LGI4: variants seen among roughly 807,000 people sequenced by gnomAD.
LGI4 encodes leucine rich repeat LGI family member 4.
A neutral mutation model predicts 48.3 loss-of-function variants in LGI4; 36 were observed. The ratio of observed to expected loss-of-function variants is 0.75; its 90% CI spans 0.57 to 0.98. The LOEUF is 0.98. Among genes scored for constraint, LGI4 ranks in the 50% least tolerant of loss-of-function variants. The pLI is 0.00. For synonymous variants in LGI4, 355 were observed against 331.6 expected, an observed-to-expected ratio of 1.07 and a Z score of -0.77; for missense variants, 701 against 732.1, an observed-to-expected ratio of 0.96 and a Z score of 0.49.
Position 35,127,120 on chromosome 19 carries a change from C to T in LGI4, c.629-103G>A, listed in dbSNP as rs564770552. On this transcript the variant is annotated intron_variant, in intron 6 of 8. Coordinates refer to ENST00000310123, the MANE Select transcript of LGI4 (RefSeq NM_139284.3). ...TCTGAAATGGAGGCCATTCATGGTA[C>T]CCCCCTCATAGGGACATATAACTGG... is the stretch of plus-strand genomic sequence containing the variant. The T allele has an allele frequency of 4.4e-5, 52 of 1,192,866 alleles. No individual in the cohort carries two copies. The African/African-American group carries it at 7.5e-4, about 17-fold the overall frequency. The allele number at this position is 1,192,866 out of a possible 1,614,324, so 73.9% of individuals were successfully genotyped here.
chr19:35,131,310 G>T (rs1448258532), intron 6 of LGI4, 76 bp downstream of exon 6: 1 of 1,518,596 alleles, frequency 6.6e-7, no homozygotes, highest in African/African-American at 1.4e-5. Flanking sequence ...AGGGCAGGGA[G>T]TGAGACGAGC....
chr19:35,126,331 C>T lies in LGI4; in HGVS notation c.1238G>A (p.Arg413His), dbSNP rs1322541279. ...IPEAEDVYAT[R>H]HFQAGGDVFL... ...CACGTCCCCACCAGCCTGGAAGTGG[C>T]GTGTGGCATAGACATCCTCGGCCTC... is the stretch of plus-strand genomic sequence containing the variant. Residue 413 changes from arginine (R) to histidine (H), a missense_variant, in exon 8 of 9, where the codon CGC becomes CAC. Physicochemically the swap from Arg to His is conservative, Grantham distance 29. Around this residue, in one of 3 missense-constraint regions of LGI4, gnomAD observed 223 missense variants for 263.3 expected, o/e 0.85. Coordinates refer to ENST00000310123, the MANE Select transcript of LGI4 (RefSeq NM_139284.3). The T allele has an allele frequency of 2.5e-6, 4 of 1,611,622 alleles. No homozygotes were observed. Among genetic ancestry groups the T allele is most frequent in the Admixed American group, 3.3e-5 (2 of 59,814 alleles).
At chr19:35,125,916 C>A in intron 8 of LGI4, 2 of 521,980 alleles carry the variant, frequency 3.8e-6, no homozygotes, top group East Asian at 3.9e-5. Context: ...AGAACCCTCC[C>A]CTGCCTGCAC....
At position 35,127,001 on chromosome 19, in the gene LGI4, C is replaced by T. The variant is rs1246557416; in HGVS notation, c.645G>A (p.Gln215=). 1 of 1,599,508 alleles carries T rather than the reference C, an allele frequency of 6.3e-7. No individual in the cohort carries two copies. The highest frequency in any genetic ancestry group is 1.3e-5 in the African/African-American group (1 of 74,808). Residue 215 remains glutamine, a synonymous_variant, in exon 7 of 9, where the codon CAG becomes CAA. Transcript: ENST00000310123. Reference sequence around the variant, plus strand: ...CGCTCAGTGCCGACTCCCCCACCGTCTGGAACCAGGACAGCTCTGTGGGTG... The same window carrying T: ...CGCTCAGTGCCGACTCCCCCACCGTTTGGAACCAGGACAGCTCTGTGGGTG... ...KCRAIELSWF[Q]TVGESALSVE... is the part of the protein sequence containing the mutation.
chr19:35,128,844 G>A lies in LGI4; in HGVS notation c.629-1827C>T, dbSNP rs376726412. ...CTACCCCTGAGCCACACCTGCCTTC[G>A]TTTGATCTTCAAACAGGGCACACTG... is the stretch of plus-strand genomic sequence containing the variant. On this transcript the variant is annotated intron_variant, in intron 6 of 8. Transcript: ENST00000310123. Among the ~76,000 whole-genome samples the A allele has an allele frequency of 5.1e-4, 78 of 152,158 alleles. 1 individual carries two copies. The South Asian group carries it at 6.9e-3, about 13-fold the overall frequency.
In LGI4 at chr19:35,131,382, C is replaced by T; in HGVS notation, c.628+4G>A. 8 of 1,549,564 alleles carry T rather than the reference C, an allele frequency of 5.2e-6. No individual in the cohort carries two copies. The highest frequency in any genetic ancestry group is 7.0e-6 in the Non-Finnish European group (8 of 1,145,966). Reference sequence around the variant, plus strand: ...CCTCCCACCCCATCGGGAAAGCCCCCCACCTATGGCTCTGCACTTGAAAGT... The same window carrying T: ...CCTCCCACCCCATCGGGAAAGCCCCTCACCTATGGCTCTGCACTTGAAAGT... On this transcript the variant is annotated splice_donor_region_variant and intron_variant, in intron 6 of 8. Coordinates refer to ENST00000310123, the MANE Select transcript of LGI4 (RefSeq NM_139284.3).
In LGI4 at chr19:35,128,511, G is replaced by A. The variant is rs150727219; in HGVS notation, c.629-1494C>T. ...ATCAGTAGAGCCCAGGAGTTCGAGA[G>A]CAGCCTGGACAACATGGTGAAAACC... On this transcript the variant is annotated intron_variant, in intron 6 of 8. Transcript: ENST00000310123. Among the ~76,000 whole-genome samples, 518 of 152,264 alleles carry A rather than the reference G, an allele frequency of 3.4e-3. 3 individuals are homozygous for A. The highest frequency in any genetic ancestry group is 0.012 in the African/African-American group (498 of 41,554).
At position 35,126,725 on chromosome 19, in the gene LGI4, C is replaced by G. The variant is rs879375038; in HGVS notation, c.844G>C (p.Val282Leu). The change falls in exon 8 of 9, where the codon GTG becomes CTG. Residue 282 changes from valine (V) to leucine (L), a missense_variant. Val to Leu is a conservative substitution (Grantham distance 32). Coordinates refer to ENST00000310123, the MANE Select transcript of LGI4 (RefSeq NM_139284.3). The stretch of plus-strand genomic sequence containing the variant: ...CCCCCCCACAGGCGGGCAGCCAGCA[C>G]GAAGAGGCTCGGGCCCAGCACCAGT... ...KPLVLGPSLF[V>L]LAARLWGGSQ... is the part of the protein sequence containing the mutation. The G allele has an allele frequency of 3.9e-6, 6 of 1,540,372 alleles. No homozygotes were observed. Among genetic ancestry groups the G allele is most frequent in the Non-Finnish European group, 5.2e-6 (6 of 1,147,910 alleles).
Position 35,125,337 on chromosome 19 carries a change from T to TGGCTCCAGGAGC in LGI4, c.1458_1469dup (p.Leu488_Leu491dup), listed in dbSNP as rs2065124451. 1 of 1,612,700 alleles carries TGGCTCCAGGAGC rather than the reference T, an allele frequency of 6.2e-7. No individual in the cohort carries two copies. Among genetic ancestry groups the TGGCTCCAGGAGC allele is most frequent in the African/African-American group, 1.3e-5 (1 of 74,890 alleles). On this transcript the variant is annotated inframe_insertion, in exon 9 of 9. Transcript: ENST00000310123. Reference sequence around the variant, plus strand: ...GGGCCGGAGGCCCCAGCTCCTGCAGTGGCTCCAGGAGCCCCTTGTCAGGCT... The same window carrying TGGCTCCAGGAGC: ...GGGCCGGAGGCCCCAGCTCCTGCAGTGGCTCCAGGAGCGGCTCCAGGAGCCCCTTGTCAGGCT...
At chr19:35,125,651 A>G (rs1354845665) in intron 8 of LGI4, 144 bp from the exon 9 acceptor site, 1 of 760,292 alleles carries the variant, frequency 1.3e-6, no homozygotes. Flanking sequence ...GTTCGGCCAC[A>G]CACATGCAGT....
chr19:35,125,114 C>T lies in LGI4; in HGVS notation c.*79G>A. The T allele has an allele frequency of 1.5e-6, 2 of 1,290,628 alleles. No individual in the cohort carries two copies. The highest frequency in any genetic ancestry group is 3.2e-5 in the South Asian group (2 of 61,980). The allele number at this position is 1,290,628 out of a possible 1,614,324, so 79.9% of individuals were successfully genotyped here. A position where few individuals can be genotyped will look rare whatever the true frequency, so the allele number is the denominator to read the frequency against. ...CACGGTCAGCAGCTCACAGGCGGGCCATCACCCCAAGTAGGGCCAGGAGCC... is the reference window on the plus strand; with the variant it reads ...CACGGTCAGCAGCTCACAGGCGGGCTATCACCCCAAGTAGGGCCAGGAGCC... On this transcript the variant is annotated 3_prime_UTR_variant, in exon 9 of 9. Transcript: ENST00000310123.
chr19:35,130,144 G>T (rs1403153302), intron 6 of LGI4, among the ~76,000 whole-genome samples: 1 of 152,040 alleles, frequency 6.6e-6, no homozygotes, highest in Non-Finnish European at 1.5e-5. Flanking sequence ...CATCCCCCTC[G>T]CTGAGATAGT....
In LGI4 at chr19:35,126,354, C is replaced by T. The variant is rs199801321; in HGVS notation, c.1215G>A (p.Glu405=). The stretch of plus-strand genomic sequence containing the variant: ...GGCGTGTGGCATAGACATCCTCGGC[C>T]TCGGGGATGTCTGTGCGTCTCTCGA... ...GRFERRTDIP[E]AEDVYATRHF... Residue 405 remains glutamate (E), a synonymous_variant, in exon 8 of 9, where the codon GAG becomes GAA. Transcript: ENST00000310123. The T allele has an allele frequency of 6.2e-7, 1 of 1,611,794 alleles. No homozygotes were observed. The highest frequency in any genetic ancestry group is 1.1e-5 in the South Asian group (1 of 90,520).
In LGI4 at chr19:35,125,324, C is replaced by T. The variant is rs1331132259; in HGVS notation, c.1483G>A (p.Gly495Arg). The T allele has an allele frequency of 6.8e-6, 11 of 1,612,302 alleles. No individual in the cohort carries two copies. Among genetic ancestry groups the T allele is most frequent in the Non-Finnish European group, 9.3e-6 (11 of 1,178,894 alleles). Residue 495 changes from glycine (G) to arginine (R), a missense_variant, in exon 9 of 9, where the codon GGG becomes AGG. Around this residue, in one of 3 missense-constraint regions of LGI4, gnomAD observed 223 missense variants for 263.3 expected, o/e 0.85. Coordinates refer to ENST00000310123, the MANE Select transcript of LGI4 (RefSeq NM_139284.3). The stretch of plus-strand genomic sequence containing the variant: ...CGGGGGGCCACCAGGGCCGGAGGCC[C>T]CAGCTCCTGCAGTGGCTCCAGGAGC... ...KGLLEPLQELGPPALVAPRAF... is the reference protein window; with the variant it reads ...KGLLEPLQELRPPALVAPRAF...
rs1188457106 is a variant in LGI4 at position 35,126,674 on chromosome 19, G to C, written c.895C>G (p.Pro299Ala). 2 of 1,535,678 alleles carry C rather than the reference G, an allele frequency of 1.3e-6. No individual in the cohort carries two copies. The highest frequency in any genetic ancestry group is 1.7e-6 in the Non-Finnish European group (2 of 1,146,258). The change falls in exon 8 of 9, where the codon CCC (proline) becomes GCC (alanine). Residue 299 changes from proline to alanine, a missense_variant. By Grantham distance (27) the Pro-to-Ala change is conservative (BLOSUM62 -1). Coordinates refer to ENST00000310123, the MANE Select transcript of LGI4 (RefSeq NM_139284.3). ...GGSQLWARPS[P>A]GLRLAPTQTL... The stretch of plus-strand genomic sequence containing the variant: ...TGCGTTGGGGCCAGGCGCAGGCCGG[G>C]ACTGGGCCGGGCCCACAGCTGTGAG...
In LGI4 at chr19:35,125,457, C is replaced by T. The variant is rs752974308; in HGVS notation, c.1350G>A (p.Ser450=). The change falls in exon 9 of 9, where the codon TCG becomes TCA. Residue 450 remains serine, a synonymous_variant. Transcript: ENST00000310123. ...GTGGCTGGAAGACGTGGGCACCGCGCGAGGGAAGTTGCTGCAGCAGACGAA... is the reference window on the plus strand; with the variant it reads ...GTGGCTGGAAGACGTGGGCACCGCGTGAGGGAAGTTGCTGCAGCAGACGAA... The part of the protein sequence containing the change: ...SMFRLLQQLP[S]RGAHVFQPLL... 11 of 1,595,944 alleles carry T rather than the reference C, an allele frequency of 6.9e-6. No homozygotes were observed. The highest frequency in any genetic ancestry group is 2.3e-5 in the East Asian group (1 of 44,240).
At chr19:35,127,260 A>G (rs985055271) in intron 6 of LGI4, among the ~76,000 whole-genome samples, 2 of 152,152 alleles carry the variant, frequency 1.3e-5, no homozygotes, top group African/African-American at 2.4e-5. Flanking sequence ...TCATAGCTCA[A>G]TGCAGCCTCC....
At position 35,126,920 on chromosome 19, in the gene LGI4, G is replaced by T. The variant is rs367648964; in HGVS notation, c.726C>A (p.Ala242=). The T allele has an allele frequency of 1.9e-6, 3 of 1,613,570 alleles. No homozygotes were observed. The highest frequency in any genetic ancestry group is 2.2e-5 in the South Asian group (2 of 91,090). ...CCCAGGAGAGAATCAGGCAGCGGCC[G>T]GCGAAGGGCTGTGCCAGCACAATGT... ...EPHIVLAQPF[A]GRCLILSWDY... The change falls in exon 7 of 9, where the codon GCC becomes GCA. Residue 242 remains alanine, a synonymous_variant. Coordinates refer to ENST00000310123, the MANE Select transcript of LGI4 (RefSeq NM_139284.3).
At chr19:35,127,215 C>T (rs2065146505) in intron 6 of LGI4, among the ~76,000 whole-genome samples, 198 bp from the exon 7 acceptor site, 1 of 152,168 alleles carries the variant, frequency 6.6e-6, no homozygotes, top group African/African-American at 2.4e-5. Flanking sequence ...GACAGGGTCC[C>T]ACTGTGTCTC....
Sources: gnomAD v4.1 joint callset for allele counts (sites outside exome capture counted in the v4.1 genomes callset) on GRCh38, gnomAD v4.1.1 for gene constraint, gnomAD v4.1.1 regional missense constraint, MANE v1.5 for transcripts, NCBI Gene and HGNC (gene_info 2026-07-23, HGNC 2026-07-21) for gene names.